GRIK2: variants seen among roughly 807,000 people sequenced by gnomAD.
GRIK2 encodes the protein glutamate ionotropic receptor kainate type subunit 2.
GRIK2 carries 32 observed loss-of-function variants against 100.3 expected under a neutral mutation model. The ratio of observed to expected loss-of-function variants is 0.32; its 90% CI spans 0.24 to 0.43. GRIK2 has a LOEUF of 0.43. GRIK2 is among the 20% of genes least tolerant of loss of function. The pLI, the probability that GRIK2 is intolerant of heterozygous loss-of-function variation, is 1.00. For missense variants in GRIK2, 843 were observed against 1,114.9 expected (o/e 0.76, Z 3.47); for synonymous variants, 417 against 389.4 (o/e 1.07, Z -0.83).
At chr6:101,770,784 A>G (rs1398502495) in intron 7 of GRIK2, among the ~76,000 whole-genome samples, 1 of 152,160 alleles carries the variant, frequency 6.6e-6, no homozygotes, top group Non-Finnish European at 1.5e-5. Context: ...TAGGAAGGGT[A>G]GTGTTGATTC....
intron 7 of GRIK2, among the ~76,000 whole-genome samples, chr6:101,753,688 A>C (rs888695387): frequency 3.9e-5 from 6 of 152,114 alleles, no homozygotes; most frequent in Non-Finnish European, 8.8e-5. Context: ...AAAGGAACAG[A>C]ATATTAGTGA....
intron 14 of GRIK2, among the ~76,000 whole-genome samples, chr6:102,006,390 A>ATATATATATTTTTTTT (rs1315524835): frequency 1.8e-4 from 21 of 114,090 alleles, no homozygotes; most frequent in African/African-American, 7.8e-4. Flanking sequence ...ATATATATAT[A>ATATATATATTTTTTTT]TTTTTTTTTT....
At chr6:101,441,222 T>C (rs1770032469) in intron 2 of GRIK2, among the ~76,000 whole-genome samples, 1 of 152,132 alleles carries the variant, frequency 6.6e-6, no homozygotes, top group Non-Finnish European at 1.5e-5. Flanking sequence ...TGGTCCTCGC[T>C]GTGAGATTCT....
At chr6:101,488,946 T>C (rs1011952637) in intron 2 of GRIK2, among the ~76,000 whole-genome samples, 3 of 146,372 alleles carry the variant, frequency 2.0e-5, no homozygotes, top group Non-Finnish European at 4.5e-5. Context: ...AGAAGCGGCA[T>C]AGTGTTTTCA....
At chr6:102,008,634 T>C (rs1795365503) in intron 14 of GRIK2, among the ~76,000 whole-genome samples, 2 of 152,192 alleles carry the variant, frequency 1.3e-5, no homozygotes, top group Non-Finnish European at 2.9e-5. Flanking sequence ...AGTGAACAAT[T>C]TAAGGCTTCA....
intron 2 of GRIK2, among the ~76,000 whole-genome samples, chr6:101,446,811 T>A (rs915553752): frequency 6.6e-6 from 1 of 151,414 alleles, no homozygotes; most frequent in Non-Finnish European, 1.5e-5. Flanking sequence ...TGTCGTATTT[T>A]TTTTTGTGAG....
chr6:101,980,224 T>C (rs1793633991), intron 14 of GRIK2, among the ~76,000 whole-genome samples: 1 of 151,922 alleles, frequency 6.6e-6, no homozygotes, highest in East Asian at 1.9e-4. Context: ...GCAAATATTT[T>C]TGGAAATCTT....
intron 14 of GRIK2, among the ~76,000 whole-genome samples, chr6:101,970,110 A>G (rs1792947789): frequency 6.6e-6 from 1 of 152,058 alleles, no homozygotes; most frequent in Non-Finnish European, 1.5e-5. Flanking sequence ...GAAACCTTAT[A>G]CACAGAGATT....
chr6:101,984,485 C>T (rs1210542243), intron 14 of GRIK2, among the ~76,000 whole-genome samples: 1 of 151,646 alleles, frequency 6.6e-6, no homozygotes, highest in African/African-American at 2.4e-5. Flanking sequence ...CTGGACACAA[C>T]TGAACATCTA....
chr6:101,421,658 CT>C (rs1279086812), intron 2 of GRIK2, among the ~76,000 whole-genome samples: 1 of 148,914 alleles, frequency 6.7e-6, no homozygotes, highest in African/African-American at 2.5e-5. Context: ...AAAAGGAAAG[CT>C]GTTTTTTTTC....
At chr6:102,017,378 A>T (rs1384192458) in intron 14 of GRIK2, among the ~76,000 whole-genome samples, 1 of 152,018 alleles carries the variant, frequency 6.6e-6, no homozygotes, top group Non-Finnish European at 1.5e-5. Context: ...TGATCCCATC[A>T]CCTCCCCACC....
intron 3 of GRIK2, among the ~76,000 whole-genome samples, chr6:101,622,789 G>A (rs1457492679): frequency 6.6e-6 from 1 of 151,700 alleles, no homozygotes; most frequent in African/African-American, 2.4e-5. Context: ...AAAATAATTT[G>A]GTGGAATAAA....
Position 101,968,469 on chromosome 6 carries a change from T to G in GRIK2, c.2085+39837T>G, listed in dbSNP as rs1360536541. On this transcript the variant is annotated intron_variant, in intron 14 of 16. Transcript: ENST00000369134. ...ACTTCTACTCCTACAAAATTGCTACTAGTCTGGTCAATAGAAGGTCAGTCA... is the reference window on the plus strand; with the variant it reads ...ACTTCTACTCCTACAAAATTGCTACGAGTCTGGTCAATAGAAGGTCAGTCA... Among the ~76,000 whole-genome samples, 7 of 152,116 alleles carry G rather than the reference T, an allele frequency of 4.6e-5. 1 individual carries two copies. The highest frequency in any genetic ancestry group is 2.6e-4 in the Admixed American group (4 of 15,242).
chr6:101,805,573 G>A (rs2128416067), intron 9 of GRIK2, among the ~76,000 whole-genome samples: 1 of 151,988 alleles, frequency 6.6e-6, no homozygotes, highest in Non-Finnish European at 1.5e-5. Flanking sequence ...GGTCATCTTA[G>A]ACCAGCACAC....
intron 2 of GRIK2, among the ~76,000 whole-genome samples, chr6:101,498,812 G>A (rs1165219909): frequency 5.9e-5 from 9 of 152,056 alleles, no homozygotes; most frequent in African/African-American, 1.9e-4. Flanking sequence ...CTCCCATTTT[G>A]TAGGTTGCCT....
chr6:101,748,844 T>C (rs1776608132), intron 7 of GRIK2, among the ~76,000 whole-genome samples: 1 of 152,132 alleles, frequency 6.6e-6, no homozygotes, highest in Non-Finnish European at 1.5e-5. Context: ...TTAAACATTT[T>C]TAAAGATAAT....
At chr6:101,703,913 T>G (rs1025084203) in intron 7 of GRIK2, among the ~76,000 whole-genome samples, 3 of 151,686 alleles carry the variant, frequency 2.0e-5, no homozygotes, top group Non-Finnish European at 4.4e-5. Flanking sequence ...GAGTAGTTCT[T>G]GACTCATTTT....
At chr6:101,892,385 C>G (rs142874256) in intron 12 of GRIK2, among the ~76,000 whole-genome samples, 1 of 152,160 alleles carries the variant, frequency 6.6e-6, no homozygotes, top group East Asian at 1.9e-4. Context: ...TCTAACTTTT[C>G]AAAATATTTC....
At chr6:101,818,887 A>C (rs147803350) in intron 10 of GRIK2, among the ~76,000 whole-genome samples, 104 of 152,096 alleles carry the variant, frequency 6.8e-4, no homozygotes, top group African/African-American at 2.5e-3. Flanking sequence ...CATGGCACTT[A>C]TTTTTCAGAA....
Sources: gnomAD v4.1 joint callset for allele counts (sites outside exome capture counted in the v4.1 genomes callset) on GRCh38, gnomAD v4.1.1 for gene constraint, MANE v1.5 for transcripts, NCBI Gene and HGNC (gene_info 2026-07-23, HGNC 2026-07-21) for gene names.